NDST4: variants seen among roughly 807,000 people sequenced by gnomAD.
NDST4 encodes the protein N-deacetylase and N-sulfotransferase 4.
In NDST4, 63 loss-of-function variants were observed where a neutral mutation model predicts 100.8. That is an observed-to-expected ratio of 0.62 (90% CI 0.51 to 0.77). The LOEUF is 0.77. Among genes scored for constraint, NDST4 ranks in the 30% least tolerant of loss-of-function variants. The probability of loss-of-function intolerance (pLI) is 0.00; values close to 1 mark genes in which losing one functional copy is unlikely to be tolerated. For missense variants in NDST4, 943 were observed against 1,018.4 expected (o/e 0.93, Z 1.01); for synonymous variants, 377 against 361.8 (o/e 1.04, Z -0.48).
intron 2 of NDST4, among the ~76,000 whole-genome samples, chr4:114,980,565 C>A (rs1726744577): frequency 1.3e-5 from 2 of 152,106 alleles, no homozygotes; most frequent in African/African-American, 4.8e-5. Flanking sequence ...TCACTTAAAC[C>A]TGGGAGGTGG....
At chr4:115,067,434 T>C (rs1428331707) in intron 2 of NDST4, among the ~76,000 whole-genome samples, 1 of 152,140 alleles carries the variant, frequency 6.6e-6, no homozygotes, top group Non-Finnish European at 1.5e-5. Flanking sequence ...CATTTACCAG[T>C]GTAGCCTCTC....
chr4:115,102,704 C>CTTT lies in NDST4; in HGVS notation c.-247+10737_-247+10739dup, dbSNP rs751431042. ...TTATATACCATATACTTCTGACTTC[C>CTTT]TTTTTTTTTTTTTTTTTTTTTGACA... is the stretch of plus-strand genomic sequence containing the variant. On this transcript the variant is annotated intron_variant, in intron 1 of 13. Coordinates refer to ENST00000264363, the MANE Select transcript of NDST4 (RefSeq NM_022569.3). Among the ~76,000 whole-genome samples, 18 of 90,566 alleles carry CTTT rather than the reference C, an allele frequency of 2.0e-4. 5 individuals carry two copies. The highest frequency in any genetic ancestry group is 7.7e-4 in the Admixed American group (5 of 6,482). 59.4% of individuals were successfully genotyped at this position (90,566 alleles called of 152,430 possible).
intron 4 of NDST4, among the ~76,000 whole-genome samples, chr4:114,953,677 G>A (rs1364843082): frequency 6.6e-6 from 1 of 152,074 alleles, no homozygotes; most frequent in African/African-American, 2.4e-5. Context: ...ATGTGTTTTA[G>A]GAAGTTGTTC....
At chr4:115,005,809 G>A (rs544175578) in intron 2 of NDST4, among the ~76,000 whole-genome samples, 1 of 152,048 alleles carries the variant, frequency 6.6e-6, no homozygotes, top group South Asian at 2.1e-4. Flanking sequence ...GAGGTGGGTG[G>A]AAGACTTGAG....
chr4:115,048,609 C>T (rs78682860), intron 2 of NDST4, among the ~76,000 whole-genome samples: 7,033 of 151,924 alleles, frequency 0.046, 468 homozygotes, highest in African/African-American at 0.14. Context: ...TTTGTGCGTG[C>T]AGCAAAAATT....
At chr4:115,093,977 A>G (rs1361575130) in intron 1 of NDST4, among the ~76,000 whole-genome samples, 1 of 152,056 alleles carries the variant, frequency 6.6e-6, no homozygotes, top group African/African-American at 2.4e-5. Context: ...AGAGAAAAAT[A>G]AAGCAAGAAG....
chr4:114,860,772 T>C (rs1344301403), intron 7 of NDST4, among the ~76,000 whole-genome samples: 1 of 152,246 alleles, frequency 6.6e-6, no homozygotes, highest in Non-Finnish European at 1.5e-5. Context: ...ACCTATACTC[T>C]AGCTCATTGT....
Position 115,009,035 on chromosome 4 carries a change from G to C in NDST4, c.979-31761C>G, listed in dbSNP as rs1447090703. ...AACCACTGCTCAATGAAATAAAAGA[G>C]GATACAAAGAAATGGAAGAACATTC... On this transcript the variant is annotated intron_variant, in intron 2 of 13. Transcript: ENST00000264363. 4.0e-5 allele frequency among the ~76,000 whole-genome samples: 5 copies of C among 125,616 alleles called. 1 individual carries two copies. The highest frequency in any genetic ancestry group is 1.5e-4 in the African/African-American group (5 of 33,152). 82.4% of individuals were successfully genotyped at this position (125,616 alleles called of 152,430 possible).
chr4:115,071,276 T>TCACACA (rs70964340), intron 2 of NDST4, among the ~76,000 whole-genome samples: 1,474 of 138,248 alleles, frequency 0.011, 6 homozygotes, highest in African/African-American at 0.017. Context: ...AAGTATGCCT[T>TCACACA]CACACACACA....
At chr4:114,888,065 G>A (rs978377983) in intron 6 of NDST4, among the ~76,000 whole-genome samples, 44 of 152,132 alleles carry the variant, frequency 2.9e-4, no homozygotes, top group African/African-American at 1.0e-3. Flanking sequence ...CTAGCTGGGT[G>A]TGGTGGCACA....
chr4:115,011,042 A>G (rs6844298), intron 2 of NDST4, among the ~76,000 whole-genome samples: 10,087 of 152,066 alleles, frequency 0.066, 1,088 homozygotes, highest in African/African-American at 0.22. Context: ...CATATGTAAT[A>G]TAATTGTAAT....
chr4:115,069,988 C>T (rs2126287147), intron 2 of NDST4, among the ~76,000 whole-genome samples: 1 of 152,186 alleles, frequency 6.6e-6, no homozygotes, highest in African/African-American at 2.4e-5. Flanking sequence ...GTAAATTAGT[C>T]CAACCACTGG....
rs77917111 is a variant in NDST4, at chr4:114,983,530, G to A, written c.979-6256C>T. Among the ~76,000 whole-genome samples, 678 of 152,318 alleles carry A rather than the reference G, an allele frequency of 4.5e-3. 13 individuals carry two copies. The East Asian group carries it at 0.055, about 12-fold the overall frequency. ...GGCCAAATTCTTCTATTTGGAATGG[G>A]AGCATTTACCAAATGCCTTTACCTG... On this transcript the variant is annotated intron_variant, in intron 2 of 13. Coordinates refer to ENST00000264363, the MANE Select transcript of NDST4 (RefSeq NM_022569.3).
At chr4:115,061,051 A>C (rs1260047385) in intron 2 of NDST4, among the ~76,000 whole-genome samples, 1 of 152,144 alleles carries the variant, frequency 6.6e-6, no homozygotes, top group Non-Finnish European at 1.5e-5. Context: ...TTATGCAGCC[A>C]ACAAACATAT....
chr4:114,830,877 A>G (rs1723181933), intron 12 of NDST4, among the ~76,000 whole-genome samples: 3 of 152,206 alleles, frequency 2.0e-5, no homozygotes, highest in South Asian at 2.1e-4. Context: ...GCTTCTGTAC[A>G]TATGTGAATT....
At chr4:115,043,143 G>C (rs1454638442) in intron 2 of NDST4, among the ~76,000 whole-genome samples, 1 of 151,704 alleles carries the variant, frequency 6.6e-6, no homozygotes, top group South Asian at 2.1e-4. Flanking sequence ...TTATTTTAAA[G>C]GCTCAAAGTA....
chr4:114,964,431 A>G (rs1726335826), intron 4 of NDST4, among the ~76,000 whole-genome samples: 1 of 152,180 alleles, frequency 6.6e-6, no homozygotes, highest in Non-Finnish European at 1.5e-5. Context: ...TTAGGTCTTT[A>G]TAGTCTAAGT....
At chr4:115,034,153 T>C (rs147093666) in intron 2 of NDST4, among the ~76,000 whole-genome samples, 1 of 152,126 alleles carries the variant, frequency 6.6e-6, no homozygotes, top group African/African-American at 2.4e-5. Context: ...TCTTGAGTAG[T>C]AGCAGGTTCA....
At chr4:114,867,664 GC>G (rs1560786336) in intron 7 of NDST4, among the ~76,000 whole-genome samples, 11 of 26,086 alleles carry the variant, frequency 4.2e-4, no homozygotes, top group Non-Finnish European at 5.8e-4. Flanking sequence ...AAAAAAAAAA[GC>G]AAAAAAAAAA....
Sources: gnomAD v4.1 joint callset for allele counts (sites outside exome capture counted in the v4.1 genomes callset) on GRCh38, gnomAD v4.1.1 for gene constraint, MANE v1.5 for transcripts, NCBI Gene and HGNC (gene_info 2026-07-23, HGNC 2026-07-21) for gene names.